The following FBXO34 variants were observed in gnomAD, a reference collection of about 807,000 sequenced individuals.
FBXO34 encodes F-box only protein 34.
In FBXO34, 12 loss-of-function variants were observed where a neutral mutation model predicts 24.5. The observed-to-expected ratio is 0.49, with a 90% CI of 0.31 to 0.79. The LOEUF is 0.79. Among genes scored for constraint, FBXO34 ranks in the 30% least tolerant of loss-of-function variants. The pLI, the probability that FBXO34 is intolerant of heterozygous loss-of-function variation, is 0.04. For synonymous variants in FBXO34, 320 were observed against 311.9 expected, an observed-to-expected ratio of 1.03 and a Z score of -0.27; for missense variants, 823 against 857.7, an observed-to-expected ratio of 0.96 and a Z score of 0.51.
chr14:55,427,601 A>T, the FBXO34 span, among the ~76,000 whole-genome samples: 1 of 152,138 alleles, frequency 6.6e-6, no homozygotes, highest in Non-Finnish European at 1.5e-5. Flanking sequence ...AACCCAGGCC[A>T]AGTGCCCTAG....
the FBXO34 span, among the ~76,000 whole-genome samples, chr14:55,433,886 A>G: frequency 1.3e-5 from 2 of 152,242 alleles, no homozygotes; most frequent in African/African-American, 4.8e-5. Context: ...TGATGATTCT[A>G]AAATGTACTT....
the FBXO34 span, among the ~76,000 whole-genome samples, chr14:55,378,618 C>A: frequency 1.3e-5 from 2 of 152,030 alleles, no homozygotes; most frequent in African/African-American, 2.4e-5. Context: ...TCCCTTCCTC[C>A]CTCCCTCCCT....
intron 1 of FBXO34, among the ~76,000 whole-genome samples, chr14:55,299,830 C>T (rs1006577644): frequency 5.9e-5 from 9 of 152,228 alleles, no homozygotes; most frequent in African/African-American, 1.7e-4. Context: ...AGGTGGAATC[C>T]GTATAAGAAA....
rs577207522 is a variant in FBXO34 at position 55,285,072 on chromosome 14, C to T, written c.-11+13535C>T. ...AAAACTGCAAAGATCAGTTGTAAAGCTTCTTTCAAGAATTGTTCCGGCCGG... is the reference window on the plus strand; with the variant it reads ...AAAACTGCAAAGATCAGTTGTAAAGTTTCTTTCAAGAATTGTTCCGGCCGG... On this transcript the variant is annotated intron_variant, in intron 1 of 1. Transcript: ENST00000313833. 5.4e-5 allele frequency among the ~76,000 whole-genome samples: 8 copies of T among 149,258 alleles called. 1 individual carries two copies. The highest frequency in any genetic ancestry group is 1.4e-4 in the Admixed American group (2 of 14,788).
chr14:55,316,469 G>C (rs1485181103), intron 1 of FBXO34, among the ~76,000 whole-genome samples: 1 of 151,070 alleles, frequency 6.6e-6, no homozygotes, highest in Admixed American at 6.6e-5. Context: ...GTTCACACCT[G>C]TAATCCCAGC....
At chr14:55,389,140 GT>G in the FBXO34 span, among the ~76,000 whole-genome samples, 2 of 152,170 alleles carry the variant, frequency 1.3e-5, no homozygotes, top group African/African-American at 4.8e-5. Context: ...ATTCTTTGTG[GT>G]GGTTGTTTTT....
chr14:55,283,654 T>C (rs1387695304), intron 1 of FBXO34, among the ~76,000 whole-genome samples: 1 of 151,738 alleles, frequency 6.6e-6, no homozygotes, highest in Non-Finnish European at 1.5e-5. Flanking sequence ...AGGGATGGGG[T>C]TTCACCATGT....
chr14:55,276,561 G>A (rs1388361765), intron 1 of FBXO34, among the ~76,000 whole-genome samples: 1 of 152,138 alleles, frequency 6.6e-6, no homozygotes, highest in Non-Finnish European at 1.5e-5. Context: ...GCCGGCGACC[G>A]AGAGACGGCT....
chr14:55,274,196 G>A (rs1277047496), intron 1 of FBXO34, among the ~76,000 whole-genome samples: 1 of 152,224 alleles, frequency 6.6e-6, no homozygotes, highest in African/African-American at 2.4e-5. Flanking sequence ...CTATTCGGCA[G>A]TGCATTTTTC....
At chr14:55,359,002 C>T (rs1172448715) in intron 3 of FBXO34, among the ~76,000 whole-genome samples, 2 of 151,882 alleles carry the variant, frequency 1.3e-5, no homozygotes, top group Admixed American at 6.6e-5. Context: ...AAAGACATGG[C>T]AGGGAAGGAG....
chr14:55,388,275 C>G, the FBXO34 span, among the ~76,000 whole-genome samples: 1 of 152,310 alleles, frequency 6.6e-6, no homozygotes, highest in South Asian at 2.1e-4. Flanking sequence ...ATTAATCTAT[C>G]CAGCCATGAT....
the FBXO34 span, among the ~76,000 whole-genome samples, chr14:55,406,026 C>T: frequency 8.5e-5 from 13 of 152,116 alleles, no homozygotes; most frequent in South Asian, 1.0e-3. Context: ...CATCGAACAA[C>T]GACAAAAAAA....
chr14:55,436,699 T>C, the FBXO34 span: 1 of 1,614,224 alleles, frequency 6.2e-7, no homozygotes, highest in Admixed American at 1.7e-5. Flanking sequence ...AGGGTGCAGC[T>C]GTGAATGGGA....
intron 1 of FBXO34, chr14:55,335,290 G>A (rs1171227930): frequency 6.6e-6 from 1 of 152,206 alleles, no homozygotes; most frequent in African/African-American, 2.4e-5. Flanking sequence ...GGGTAGGGGG[G>A]TTATAAAAAT....
chr14:55,331,996 C>G lies in FBXO34; in HGVS notation c.-10-18385C>G, dbSNP rs867691137. ...ATATAAAAATATATATATACACCAC[C>G]GTGGTGTATATATAAAAATATATAT... On this transcript the variant is annotated intron_variant, in intron 1 of 1. Coordinates refer to ENST00000313833, the MANE Select transcript of FBXO34 (RefSeq NM_017943.4). Among the ~76,000 whole-genome samples the G allele has an allele frequency of 3.2e-3, 343 of 106,884 alleles. 4 individuals carry two copies. The highest frequency in any genetic ancestry group is 0.019 in the Middle Eastern group (4 of 208). The allele number at this position is 106,884 out of a possible 152,430, so 70.1% of individuals were successfully genotyped here.
chr14:55,416,463 A>G, the FBXO34 span, among the ~76,000 whole-genome samples: 1 of 152,220 alleles, frequency 6.6e-6, no homozygotes, highest in African/African-American at 2.4e-5. Context: ...GAGAAAAAAT[A>G]AAGAGAAGAA....
chr14:55,278,193 A>C (rs1203608542), intron 1 of FBXO34, among the ~76,000 whole-genome samples: 1 of 152,200 alleles, frequency 6.6e-6, no homozygotes, highest in Non-Finnish European at 1.5e-5. Flanking sequence ...TATGTAAAAC[A>C]GGAAGTGCAT....
chr14:55,390,744 T>C, the FBXO34 span, among the ~76,000 whole-genome samples: 3 of 152,192 alleles, frequency 2.0e-5, no homozygotes, highest in African/African-American at 7.2e-5. Context: ...TTTTAAAAAT[T>C]CCTTATACAA....
chr14:55,281,991 C>CTTTTTTTTTTTTTTTTTTTTTTTTT (rs372305828), intron 1 of FBXO34, among the ~76,000 whole-genome samples: 1 of 65,134 alleles, frequency 1.5e-5, no homozygotes. Flanking sequence ...TTAAATTTAG[C>CTTTTTTTTTTTTTTTTTTTTTTTTT]TTTTTTTTTT....
Sources: gnomAD v4.1 joint callset for allele counts (sites outside exome capture counted in the v4.1 genomes callset) on GRCh38, gnomAD v4.1.1 for gene constraint, MANE v1.5 for transcripts, NCBI Gene and HGNC (gene_info 2026-07-23, HGNC 2026-07-21) for gene names.